MYPN: variants seen among roughly 807,000 people sequenced by gnomAD.
MYPN encodes myopalladin.
Under a neutral mutation model 129.4 loss-of-function variants are expected in MYPN, and 63 were observed. The ratio of observed to expected loss-of-function variants is 0.49; its 90% CI spans 0.40 to 0.60. MYPN has a LOEUF of 0.60. MYPN is among the 20% of genes least tolerant of loss of function. MYPN has a pLI of 0.00. For synonymous variants in MYPN, 629 were observed against 600.9 expected (o/e 1.05, Z -0.68); for missense variants, 1,596 against 1,635.4 (o/e 0.98, Z 0.42).
At chr10:68,206,698 T>C (rs889068489) in intron 18 of MYPN, 72 bp from the exon 19 acceptor site, 17 of 1,606,446 alleles carry the variant, frequency 1.1e-5, no homozygotes, top group Non-Finnish European at 1.4e-5. Flanking sequence ...CCCTTCTTCC[T>C]GGAACCCTAA....
In MYPN at chr10:68,188,059, G is replaced by GA. The variant is rs992044003; in HGVS notation, c.2704-846_2704-845insA. Among the ~76,000 whole-genome samples the GA allele has an allele frequency of 1.7e-4, 26 of 152,138 alleles. 1 individual carries two copies. The highest frequency in any genetic ancestry group is 6.3e-4 in the African/African-American group (26 of 41,536). On this transcript the variant is annotated intron_variant, in intron 12 of 19. Transcript: ENST00000358913. ...TTCACATGGTTTTGTTGTGAGGGGG[G>GA]CAGAGAGATGCAGTGAAAGCAGACA...
intron 18 of MYPN, 27 bp from the exon 19 acceptor site, chr10:68,206,743 A>G: frequency 1.9e-6 from 3 of 1,614,018 alleles, no homozygotes; most frequent in South Asian, 1.1e-5. Flanking sequence ...CCGATAAAAT[A>G]TAGGTATATT....
chr10:68,148,258 C>T (rs1589556276), intron 4 of MYPN, 95 bp from the exon 5 acceptor site: 1 of 993,360 alleles, frequency 1.0e-6, no homozygotes, highest in Non-Finnish European at 1.6e-6. Flanking sequence ...ATTACACTCA[C>T]CTGTAAGCAG....
chr10:68,194,335 T>A, intron 13 of MYPN, 28 bp from the exon 14 acceptor site: 5 of 1,610,900 alleles, frequency 3.1e-6, no homozygotes, highest in Non-Finnish European at 4.2e-6. Flanking sequence ...AACAAAACAG[T>A]GTACATCTTG....
At chr10:68,209,620 G>A (rs991864228) in intron 19 of MYPN, among the ~76,000 whole-genome samples, 2 of 146,234 alleles carry the variant, frequency 1.4e-5, no homozygotes, top group Non-Finnish European at 3.0e-5. Flanking sequence ...AAGGGGATAA[G>A]CTTGAGAAAT....
intron 18 of MYPN, among the ~76,000 whole-genome samples, chr10:68,202,699 T>G (rs1371312379): frequency 6.6e-6 from 1 of 152,234 alleles, no homozygotes; most frequent in Non-Finnish European, 1.5e-5. Context: ...TTTGCCATTT[T>G]GGTTTTATAC....
intron 3 of MYPN, among the ~76,000 whole-genome samples, chr10:68,144,629 A>T (rs1475841249): frequency 6.6e-6 from 1 of 152,044 alleles, no homozygotes; most frequent in Non-Finnish European, 1.5e-5. Context: ...CAGTGCTGAG[A>T]TTGGATTGCT....
At position 68,210,571 on chromosome 10, in the gene MYPN, T is replaced by C; in HGVS notation, c.*116T>C. On this transcript the variant is annotated 3_prime_UTR_variant, in exon 20 of 20. Coordinates refer to ENST00000358913, the MANE Select transcript of MYPN (RefSeq NM_032578.4). Reference sequence around the variant, plus strand: ...GAGTAAGTTCCCACACTGCTGGACCTGTGGCAAAGAGTGCTTTGAATAAGT... The same window carrying C: ...GAGTAAGTTCCCACACTGCTGGACCCGTGGCAAAGAGTGCTTTGAATAAGT... 1 of 1,242,938 alleles carries C rather than the reference T, an allele frequency of 8.0e-7. No individual in the cohort carries two copies. The allele number at this position is 1,242,938 out of a possible 1,614,324, so 77.0% of individuals were successfully genotyped here.
intron 12 of MYPN, among the ~76,000 whole-genome samples, chr10:68,178,558 C>T (rs2043263805): frequency 6.6e-6 from 1 of 151,844 alleles, no homozygotes; most frequent in Non-Finnish European, 1.5e-5. Context: ...ACTAAACATA[C>T]AAAAATTAGA....
At chr10:68,174,757 T>C in intron 11 of MYPN, 101 bp downstream of exon 11, 2 of 1,076,520 alleles carry the variant, frequency 1.9e-6, no homozygotes, top group Non-Finnish European at 2.8e-6. Context: ...TGTGGATTCC[T>C]AGATAATCTT....
intron 6 of MYPN, among the ~76,000 whole-genome samples, chr10:68,153,228 G>A (rs995759086): frequency 2.6e-5 from 4 of 151,912 alleles, no homozygotes; most frequent in African/African-American, 4.8e-5. Context: ...CAGGTAATCC[G>A]CCCACCTCAG....
intron 1 of MYPN, among the ~76,000 whole-genome samples, chr10:68,112,134 T>C (rs2133966061): frequency 6.6e-6 from 1 of 152,370 alleles, no homozygotes; most frequent in African/African-American, 2.4e-5. Flanking sequence ...ATATAAAACC[T>C]CCTATGCCTA....
At chr10:68,164,531 T>C (rs2043026007) in intron 8 of MYPN, among the ~76,000 whole-genome samples, 1 of 152,224 alleles carries the variant, frequency 6.6e-6, no homozygotes, top group East Asian at 1.9e-4. Context: ...AGAAACAGTC[T>C]AGTTAATTCA....
chr10:68,199,291 C>A, intron 16 of MYPN, 77 bp from the exon 17 acceptor site: 1 of 1,419,172 alleles, frequency 7.0e-7, no homozygotes, highest in Non-Finnish European at 9.9e-7. Context: ...TGGTGCCAAG[C>A]AAGGATAAAG....
intron 18 of MYPN, among the ~76,000 whole-genome samples, chr10:68,203,836 A>G (rs1027081108): frequency 6.6e-6 from 1 of 152,168 alleles, no homozygotes; most frequent in Non-Finnish European, 1.5e-5. Context: ...ATCCTAAGTC[A>G]GGAACTGCCT....
upstream of MYPN, chr10:68,106,733 C>A (rs1188530969): frequency 4.2e-6 from 3 of 717,066 alleles, no homozygotes; most frequent in East Asian, 2.7e-5. Context: ...CCATGCTTAC[C>A]GTCCAAGTGA....
At position 68,204,274 on chromosome 10, in the gene MYPN, T is replaced by A. The variant is rs570810912; in HGVS notation, c.3659+2280T>A. ...ATGCCTTTCACCTAGTAGCATATTA[T>A]GTAAGATGAAGGAATTACAAACAAA... is the stretch of plus-strand genomic sequence containing the variant. On this transcript the variant is annotated intron_variant, in intron 18 of 19. Transcript: ENST00000358913. 2.6e-5 allele frequency among the ~76,000 whole-genome samples: 4 copies of A among 152,352 alleles called. No homozygotes were observed. In the South Asian group the frequency reaches 8.3e-4, roughly 32 times the overall value.
At position 68,142,980 on chromosome 10, in the gene MYPN, A is replaced by C. The variant is rs778328767; in HGVS notation, c.943A>C (p.Ile315Leu). 6.2e-7 allele frequency: 1 copy of C among 1,614,130 alleles called. No individual in the cohort carries two copies. The highest frequency in any genetic ancestry group is 8.5e-7 in the Non-Finnish European group (1 of 1,180,002). ...EGKELENSPD[I>L]HIVQAGNLHS... ...CAAGGAGCTTGAAAATTCCCCAGAT[A>C]TTCACATCGTCCAGGCAGGAAATCT... The change falls in exon 3 of 20, where the codon ATT (isoleucine) becomes CTT (leucine). Residue 315 changes from isoleucine to leucine, a missense_variant. Transcript: ENST00000358913.
chr10:68,118,497 G>A (rs1268502885), intron 1 of MYPN, among the ~76,000 whole-genome samples: 2 of 152,054 alleles, frequency 1.3e-5, no homozygotes, highest in Non-Finnish European at 2.9e-5. Flanking sequence ...CAGTATAAAA[G>A]CTATCTCAAA....
Sources: gnomAD v4.1 joint callset for allele counts (sites outside exome capture counted in the v4.1 genomes callset) on GRCh38, gnomAD v4.1.1 for gene constraint, MANE v1.5 for transcripts, NCBI Gene and HGNC (gene_info 2026-07-23, HGNC 2026-07-21) for gene names.